SPOP: variants seen among roughly 807,000 people sequenced by gnomAD.
SPOP encodes the protein speckle type BTB/POZ protein, also known as speckle-type POZ protein.
A neutral mutation model predicts 45.6 loss-of-function variants in SPOP; 11 were observed. That is an observed-to-expected ratio of 0.24 (90% CI 0.15 to 0.40). The LOEUF is 0.40. Among genes scored for constraint, SPOP ranks in the 10% least tolerant of loss-of-function variants. The pLI, the probability that SPOP is intolerant of heterozygous loss-of-function variation, is 1.00. For missense variants in SPOP, 152 were observed against 465.6 expected (o/e 0.33, Z 6.20); for synonymous variants, 166 against 166.3 (o/e 1.00, Z 0.01).
chr17:49,632,984 A>G (rs2143384006), intron 1 of SPOP, among the ~76,000 whole-genome samples: 1 of 152,338 alleles, frequency 6.6e-6, no homozygotes, highest in Non-Finnish European at 1.5e-5. Flanking sequence ...AATTTTTTCT[A>G]TACCAGGCTA....
Position 49,618,968 on chromosome 17 carries a change from T to C in SPOP, c.480+13A>G, listed in dbSNP as rs777079703. ...CTGGGAACTGCTAGTCTCAGCAGAA[T>C]ACAAGGACTCACCTCGCAGAAGAGG... On this transcript the variant is annotated intron_variant, in intron 5 of 9. Transcript: ENST00000504102. The C allele has an allele frequency of 6.2e-7, 1 of 1,611,102 alleles. No individual in the cohort carries two copies. Among genetic ancestry groups the C allele is most frequent in the Non-Finnish European group, 8.5e-7 (1 of 1,178,792 alleles).
In SPOP at chr17:49,619,119, G is replaced by A. The variant is rs778981076; in HGVS notation, c.353-11C>T. 8.1e-6 allele frequency: 13 copies of A among 1,604,914 alleles called. No individual in the cohort carries two copies. The African/African-American group carries it at 1.6e-4, about 20-fold the overall frequency. On this transcript the variant is annotated splice_polypyrimidine_tract_variant and intron_variant, in intron 4 of 9. Transcript: ENST00000504102. The surrounding 1 kb of genome is among the most constrained non-coding windows in gnomAD (Gnocchi z 4.9). The stretch of plus-strand genomic sequence containing the variant: ...ATGCCCGTTGACTCTCTGGGGTGGG[G>A]AAAAAAAAAGTCATATTTAAGGTTA...
intron 1 of SPOP, among the ~76,000 whole-genome samples, chr17:49,677,591 C>T (rs1050713714): frequency 2.2e-4 from 33 of 152,232 alleles, no homozygotes; most frequent in African/African-American, 6.5e-4. Context: ...AGCGAAGAAG[C>T]AGCCCGAGCG....
At chr17:49,653,772 A>G (rs1183014011) in intron 1 of SPOP, among the ~76,000 whole-genome samples, 1 of 150,768 alleles carries the variant, frequency 6.6e-6, no homozygotes. Flanking sequence ...AAAAAAGAGA[A>G]AGTCAGAAAT....
chr17:49,677,791 G>C (rs963596642), intron 1 of SPOP, 142 bp downstream of exon 1: 2 of 387,806 alleles, frequency 5.2e-6, no homozygotes, highest in African/African-American at 2.1e-5. Flanking sequence ...CGTAATCCGG[G>C]TGTAGGAAAT....
At chr17:49,649,047 G>A (rs1027559795) in intron 1 of SPOP, among the ~76,000 whole-genome samples, 1 of 151,970 alleles carries the variant, frequency 6.6e-6, no homozygotes, top group African/African-American at 2.4e-5. Flanking sequence ...GTGAGCCACC[G>A]CGCCCAGCCT....
Position 49,619,924 on chromosome 17 carries a change from C to G in SPOP, c.201-539G>C, listed in dbSNP as rs2072182994. Among the ~76,000 whole-genome samples, 1 of 152,062 alleles carries G rather than the reference C, an allele frequency of 6.6e-6. No homozygotes were observed. Among genetic ancestry groups the G allele is most frequent in the Non-Finnish European group, 1.5e-5 (1 of 68,022 alleles). ...CTGTAATCTCAGCACTTTGGGAGGC[C>G]AAAGCGGGCGCATCACTTGAGGTCA... On this transcript the variant is annotated intron_variant, in intron 3 of 9. Transcript: ENST00000504102. The surrounding 1 kb of genome is among the most constrained non-coding windows in gnomAD (Gnocchi z 4.9).
rs566245219 is a variant in SPOP, at chr17:49,615,775, A to G, written c.480+3206T>C. On this transcript the variant is annotated intron_variant, in intron 5 of 9. Coordinates refer to ENST00000504102, the MANE Select transcript of SPOP (RefSeq NM_001007228.2). ...CCTTGGGTGAATGGCATTCAGCTCC[A>G]CTTAGTGTAGTGCAGCGGACTAGAG... 2.6e-5 allele frequency among the ~76,000 whole-genome samples: 4 copies of G among 152,246 alleles called. No individual in the cohort carries two copies. The East Asian group carries it at 7.7e-4, about 29-fold the overall frequency.
chr17:49,613,090 T>C (rs998017319), intron 5 of SPOP: 1 of 152,180 alleles, frequency 6.6e-6, no homozygotes, highest in Non-Finnish European at 1.5e-5. Context: ...AGCCAGATTA[T>C]AACATTATTT....
chr17:49,640,311 A>G (rs1459015077), intron 1 of SPOP, among the ~76,000 whole-genome samples: 1 of 152,116 alleles, frequency 6.6e-6, no homozygotes, highest in Non-Finnish European at 1.5e-5. Flanking sequence ...GTAGATGTCT[A>G]TCTAGCCTCC....
chr17:49,674,161 T>C (rs1271465152), intron 1 of SPOP, among the ~76,000 whole-genome samples: 2 of 152,042 alleles, frequency 1.3e-5, no homozygotes, highest in Non-Finnish European at 2.9e-5. Context: ...AAAAAATAAA[T>C]AAATAAATAA....
At chr17:49,620,181 AAG>A (rs1235968340) in intron 3 of SPOP, among the ~76,000 whole-genome samples, 1 of 150,242 alleles carries the variant, frequency 6.7e-6, no homozygotes, top group Non-Finnish European at 1.5e-5. Context: ...AAAAAAGAAA[AAG>A]AAAAAAAAAA....
chr17:49,610,063 T>G (rs2071936814), intron 6 of SPOP, among the ~76,000 whole-genome samples: 1 of 151,994 alleles, frequency 6.6e-6, no homozygotes, highest in Non-Finnish European at 1.5e-5. Context: ...AGGTAATCTT[T>G]TAGGAGTTTG....
At chr17:49,673,082 T>C (rs2073156934) in intron 1 of SPOP, among the ~76,000 whole-genome samples, 1 of 152,178 alleles carries the variant, frequency 6.6e-6, no homozygotes, top group Admixed American at 6.5e-5. Flanking sequence ...GAACTGGATA[T>C]TAGATGGTAT....
intron 1 of SPOP, among the ~76,000 whole-genome samples, chr17:49,631,123 T>G (rs1381351651): frequency 6.6e-6 from 1 of 152,174 alleles, no homozygotes. Flanking sequence ...GCAATTTCAC[T>G]TCTAGAAATG....
At chr17:49,675,079 T>C (rs1187875703) in intron 1 of SPOP, among the ~76,000 whole-genome samples, 1 of 152,242 alleles carries the variant, frequency 6.6e-6, no homozygotes, top group Non-Finnish European at 1.5e-5. Context: ...ATACAACCTC[T>C]GTGGAAAGCA....
chr17:49,662,042 A>AT (rs1029191350), intron 1 of SPOP, among the ~76,000 whole-genome samples: 13 of 150,578 alleles, frequency 8.6e-5, no homozygotes, highest in Non-Finnish European at 1.3e-4. Flanking sequence ...AAAAATTTAA[A>AT]TTTTTGGGGG....
chr17:49,677,697 G>A (rs1040255242), intron 1 of SPOP, among the ~76,000 whole-genome samples: 2 of 152,074 alleles, frequency 1.3e-5, no homozygotes, highest in Non-Finnish European at 2.9e-5. Flanking sequence ...TGGGGGGGCT[G>A]AAGGCAGGGG....
intron 1 of SPOP, among the ~76,000 whole-genome samples, chr17:49,628,411 T>C (rs2072381547): frequency 6.6e-6 from 1 of 152,170 alleles, no homozygotes; most frequent in Non-Finnish European, 1.5e-5. Context: ...AAATCTCTAA[T>C]GGAATGCTTC....
Sources: allele counts gnomAD v4.1 joint callset (sites outside exome capture counted in the v4.1 genomes callset), GRCh38; gene constraint gnomAD v4.1.1; non-coding constraint Gnocchi (gnomAD v3.1); transcripts MANE v1.5; gene names NCBI Gene and HGNC (gene_info 2026-07-23, HGNC 2026-07-21).